The following CKAP2 variants were observed in gnomAD, a reference collection of about 807,000 sequenced individuals.
CKAP2 encodes cytoskeleton associated protein 2.
CKAP2 carries 46 observed loss-of-function variants against 58.4 expected under a neutral mutation model. The observed-to-expected ratio is 0.79, with a 90% CI of 0.62 to 1.01. The LOEUF is 1.01. Ranked by LOEUF, CKAP2 falls within the 50% of genes least tolerant of loss-of-function variation. The pLI, the probability that CKAP2 is intolerant of heterozygous loss-of-function variation, is 0.00. For missense variants in CKAP2, 809 were observed against 796.4 expected (o/e 1.02, Z -0.19); for synonymous variants, 293 against 280.9 (o/e 1.04, Z -0.43).
At position 52,461,463 on chromosome 13, in the gene CKAP2, A is replaced by C; in HGVS notation, c.637A>C (p.Lys213Gln). 1 of 1,614,190 alleles carries C rather than the reference A, an allele frequency of 6.2e-7. No individual in the cohort carries two copies. The highest frequency in any genetic ancestry group is 8.5e-7 in the Non-Finnish European group (1 of 1,180,042). The change falls in exon 4 of 9, where the codon AAA (lysine) becomes CAA (glutamine). Residue 213 changes from lysine to glutamine, a missense_variant. Lys to Gln is a moderately conservative substitution (Grantham distance 53). This residue lies in a region of CKAP2 where 523 missense variants were observed against 492.4 expected (regional missense o/e 1.06). Coordinates refer to ENST00000258607, the MANE Select transcript of CKAP2 (RefSeq NM_018204.5). ...AAAGAAACTTTCAGCCACTATACCTAAAGCCACAAAACCTCAGCCTGTAAA... is the reference window on the plus strand; with the variant it reads ...AAAGAAACTTTCAGCCACTATACCTCAAGCCACAAAACCTCAGCCTGTAAA... ...ATKKLSATIPKATKPQPVNTS... is the reference protein window; with the variant it reads ...ATKKLSATIPQATKPQPVNTS...
chr13:52,462,800 TATAA>T (rs1374980409), intron 5 of CKAP2, among the ~76,000 whole-genome samples: 1 of 152,246 alleles, frequency 6.6e-6, no homozygotes, highest in African/African-American at 2.4e-5. Context: ...ATTGAGTTCA[TATAA>T]ATATACAGGT....
chr13:52,462,586 C>T lies in CKAP2; in HGVS notation c.1305+19C>T, dbSNP rs1958604060. On this transcript the variant is annotated intron_variant, in intron 5 of 8. Transcript: ENST00000258607. ...TAATGAGGTAGAGTCTTTATATTTG[C>T]TTAGCATTTTATAGTTTGCAAATTA... is the stretch of plus-strand genomic sequence containing the variant. 2.5e-6 allele frequency: 4 copies of T among 1,587,570 alleles called. No individual in the cohort carries two copies. Among genetic ancestry groups the T allele is most frequent in the Admixed American group, 1.8e-5 (1 of 55,712 alleles).
At position 52,456,606 on chromosome 13, in the gene CKAP2, A is replaced by C. The variant is rs1958485267; in HGVS notation, c.154A>C (p.Ser52Arg). The change falls in exon 2 of 9, where the codon AGT becomes CGT. Residue 52 changes from serine to arginine, a missense_variant and splice_region_variant. Physicochemically the swap from Ser to Arg is moderately radical, Grantham distance 110. Transcript: ENST00000258607. ...CAAGCAGGAAAATGAGATGTTATCC[A>C]GGTAAGGTCAAGTTTATTTCTTTTC... is the stretch of plus-strand genomic sequence containing the variant. ...AYKQENEMLS[S>R]RDQRVVTSED... is the part of the protein sequence containing the mutation. 2 of 1,608,064 alleles carry C rather than the reference A, an allele frequency of 1.2e-6. No homozygotes were observed. Among genetic ancestry groups the C allele is most frequent in the South Asian group, 1.1e-5 (1 of 90,854 alleles).
chr13:52,474,372 C>A (rs937457367), intron 8 of CKAP2, among the ~76,000 whole-genome samples: 3 of 151,852 alleles, frequency 2.0e-5, no homozygotes, highest in African/African-American at 7.3e-5. Flanking sequence ...GCCTGTAGTC[C>A]CAGCTACCTG....
intron 7 of CKAP2, 69 bp from the exon 8 acceptor site, chr13:52,473,760 C>T (rs1958789825): frequency 6.9e-7 from 1 of 1,444,980 alleles, no homozygotes; most frequent in South Asian, 1.4e-5. Flanking sequence ...CTAGGAACAA[C>T]TTTAATGTCT....
intron 2 of CKAP2, among the ~76,000 whole-genome samples, chr13:52,458,816 C>T (rs760817795): frequency 6.6e-6 from 1 of 150,712 alleles, no homozygotes; most frequent in Non-Finnish European, 1.5e-5. Context: ...AAGATCAGGC[C>T]ATCGCACTCC....
At chr13:52,455,841 T>G in intron 1 of CKAP2, 2 of 839,574 alleles carry the variant, frequency 2.4e-6, no homozygotes, top group South Asian at 6.9e-5. Context: ...GTGCGGTCGC[T>G]GCTGGCTGGG....
rs987228074 is a variant in CKAP2, at chr13:52,465,587, T to C, written c.1476+122T>C. On this transcript the variant is annotated intron_variant, in intron 6 of 8. Transcript: ENST00000258607. ...TTGTATATGTAGTGGTAATAAATGT[T>C]TAAAGGCTGCAAGGATTGCATTATA... 3 of 811,886 alleles carry C rather than the reference T, an allele frequency of 3.7e-6. No homozygotes were observed. The African/African-American group carries it at 5.2e-5, about 14-fold the overall frequency. 50.3% of individuals were successfully genotyped at this position (811,886 alleles called of 1,614,324 possible).
rs1398162496 is a variant in CKAP2, at chr13:52,461,656, A to G, written c.830A>G (p.Asn277Ser). ...VKQGISRTSA[N>S]VTIRKGPHEK... ...CAAGGCATCAGTAGAACTTCTGCCA[A>G]TGTTACAATCCGGAAAGGGCCTCAT... is the stretch of plus-strand genomic sequence containing the variant. Residue 277 changes from asparagine to serine, a missense_variant, in exon 4 of 9, where the codon AAT becomes AGT. Physicochemically the swap from Asn to Ser is conservative, Grantham distance 46. Around this residue, in one of 3 missense-constraint regions of CKAP2, gnomAD observed 523 missense variants for 492.4 expected, o/e 1.06. Coordinates refer to ENST00000258607, the MANE Select transcript of CKAP2 (RefSeq NM_018204.5). 7 of 1,614,076 alleles carry G rather than the reference A, an allele frequency of 4.3e-6. No homozygotes were observed. The East Asian group carries it at 6.7e-5, about 15-fold the overall frequency.
chr13:52,459,392 A>G (rs61959698), intron 2 of CKAP2, among the ~76,000 whole-genome samples: 6,033 of 152,068 alleles, frequency 0.04, 139 homozygotes, highest in South Asian at 0.071. Context: ...GCGCGATCTC[A>G]GCTCACTGCA....
At chr13:52,460,799 A>T in intron 2 of CKAP2, 100 bp from the exon 3 acceptor site, 1 of 954,584 alleles carries the variant, frequency 1.0e-6, no homozygotes, top group Non-Finnish European at 1.5e-6. Context: ...TAAAATTAGT[A>T]AGTCAGTTAA....
rs369532772 is a variant in CKAP2, at chr13:52,468,232, A to C, written c.1477-46A>C. ...CTTGGATACCTAGTTAATGTCAGAG[A>C]AAATAAAACTTACATGGATCTGCTT... On this transcript the variant is annotated intron_variant, in intron 6 of 8. Coordinates refer to ENST00000258607, the MANE Select transcript of CKAP2 (RefSeq NM_018204.5). 7.5e-6 allele frequency: 9 copies of C among 1,206,598 alleles called. No individual in the cohort carries two copies. In the South Asian group the frequency reaches 1.1e-4, roughly 15 times the overall value. The allele number at this position is 1,206,598 out of a possible 1,614,324, so 74.7% of individuals were successfully genotyped here.
At chr13:52,459,552 A>T (rs1255450421) in intron 2 of CKAP2, among the ~76,000 whole-genome samples, 1 of 151,814 alleles carries the variant, frequency 6.6e-6, no homozygotes, top group African/African-American at 2.4e-5. Context: ...CAAACTCCTG[A>T]CCTGAGGTGA....
Position 52,461,173 on chromosome 13 carries a change from A to G in CKAP2, c.347A>G (p.Asp116Gly). 2 of 1,613,820 alleles carry G rather than the reference A, an allele frequency of 1.2e-6. No individual in the cohort carries two copies. The highest frequency in any genetic ancestry group is 1.1e-5 in the South Asian group (1 of 90,890). Residue 116 changes from aspartate (D) to glycine (G), a missense_variant, in exon 4 of 9, where the codon GAC (aspartate) becomes GGC (glycine). Physicochemically the swap from Asp to Gly is moderately conservative, Grantham distance 94 (BLOSUM62 -1). Around this residue, in one of 3 missense-constraint regions of CKAP2, gnomAD observed 523 missense variants for 492.4 expected, o/e 1.06. Coordinates refer to ENST00000258607, the MANE Select transcript of CKAP2 (RefSeq NM_018204.5). ...CTAACCAATTCAACTGTAGTAATTG[A>G]CACACATAAACCTAAGGATAGTAAT... ...NELTNSTVVIDTHKPKDSNQT... is the reference protein window; with the variant it reads ...NELTNSTVVIGTHKPKDSNQT...
At position 52,475,281 on chromosome 13, in the gene CKAP2, C is replaced by A; in HGVS notation, c.*140C>A. 9.8e-7 allele frequency: 1 copy of A among 1,022,732 alleles called. No homozygotes were observed. The highest frequency in any genetic ancestry group is 1.4e-6 in the Non-Finnish European group (1 of 713,698). The allele number at this position is 1,022,732 out of a possible 1,614,324, so 63.4% of individuals were successfully genotyped here. A position where few individuals can be genotyped will look rare whatever the true frequency, so the allele number is the denominator to read the frequency against. ...GCATTCACGGCAGTGAGCTCCTTTA[C>A]TAACATTCATGTTATGGCAAGAGTT... On this transcript the variant is annotated 3_prime_UTR_variant, in exon 9 of 9. Transcript: ENST00000258607.
In CKAP2 at chr13:52,461,476, C is replaced by T. The variant is rs751524540; in HGVS notation, c.650C>T (p.Pro217Leu). The T allele has an allele frequency of 1.2e-6, 2 of 1,614,116 alleles. No homozygotes were observed. Among genetic ancestry groups the T allele is most frequent in the East Asian group, 2.2e-5 (1 of 44,884 alleles). ...GCCACTATACCTAAAGCCACAAAAC[C>T]TCAGCCTGTAAACACCAGCAGTGTA... ...LSATIPKATK[P>L]QPVNTSSVTV... The change falls in exon 4 of 9, where the codon CCT (proline) becomes CTT (leucine). Residue 217 changes from proline (P) to leucine (L), a missense_variant. Physicochemically the swap from Pro to Leu is moderately conservative, Grantham distance 98. This residue lies in a region of CKAP2 where 523 missense variants were observed against 492.4 expected (regional missense o/e 1.06). Coordinates refer to ENST00000258607, the MANE Select transcript of CKAP2 (RefSeq NM_018204.5).
At chr13:52,469,013 T>C (rs117118014) in intron 7 of CKAP2, among the ~76,000 whole-genome samples, 4,187 of 152,306 alleles carry the variant, frequency 0.027, 87 homozygotes, top group Middle Eastern at 0.065. Context: ...CGCATTCCTT[T>C]TTCTCCACAA....
At chr13:52,465,216 C>T (rs1345431855) in intron 5 of CKAP2, 79 bp from the exon 6 acceptor site, 1 of 1,229,126 alleles carries the variant, frequency 8.1e-7, no homozygotes, top group Non-Finnish European at 1.1e-6. Context: ...TATCATTGAT[C>T]TTGACTATAG....
chr13:52,465,109 T>G (rs1468988182), intron 5 of CKAP2, among the ~76,000 whole-genome samples, 186 bp from the exon 6 acceptor site: 1 of 152,184 alleles, frequency 6.6e-6, no homozygotes, highest in Non-Finnish European at 1.5e-5. Flanking sequence ...CCACAATATA[T>G]ATGAGGATAA....
Sources: allele counts gnomAD v4.1 joint callset (sites outside exome capture counted in the v4.1 genomes callset), GRCh38; gene constraint gnomAD v4.1.1; regional missense constraint gnomAD v4.1.1; transcripts MANE v1.5; gene names NCBI Gene and HGNC (gene_info 2026-07-23, HGNC 2026-07-21).